STXBP5: variants seen among roughly 807,000 people sequenced by gnomAD.
STXBP5 encodes syntaxin binding protein 5, also known as syntaxin-binding protein 5.
Under a neutral mutation model 152.4 loss-of-function variants are expected in STXBP5, and 50 were observed. The observed-to-expected ratio is 0.33, with a 90% confidence interval of 0.26 to 0.42. STXBP5 has a LOEUF of 0.42. Among genes scored for constraint, STXBP5 ranks in the 10% least tolerant of loss-of-function variants. STXBP5 has a pLI of 1.00. For missense variants in STXBP5, 1,167 were observed against 1,388.6 expected (o/e 0.84, Z 2.54); for synonymous variants, 492 against 494.7 (o/e 0.99, Z 0.07).
chr6:147,311,777 C>T (rs147818053), intron 11 of STXBP5, among the ~76,000 whole-genome samples: 1 of 152,230 alleles, frequency 6.6e-6, no homozygotes, highest in East Asian at 1.9e-4. Context: ...CAACCTGACA[C>T]TTAGATATCC....
At position 147,389,137 on chromosome 6, in the gene STXBP5, T is replaced by C. The variant is rs1206594742; in HGVS notation, c.*4382T>C. 1 of 151,700 alleles carries C rather than the reference T, an allele frequency of 6.6e-6. No individual in the cohort carries two copies. The highest frequency in any genetic ancestry group is 2.4e-5 in the African/African-American group (1 of 41,416). 9.4% of individuals were successfully genotyped at this position (151,700 alleles called of 1,614,324 possible). ...TTTGAAAATGAATGTGAAGATACTG[T>C]TTACAGCTTTTGTTAATTGCACTTT... On this transcript the variant is annotated 3_prime_UTR_variant, in exon 28 of 28. Transcript: ENST00000321680.
intron 16 of STXBP5, among the ~76,000 whole-genome samples, chr6:147,316,772 A>G (rs1337083061): frequency 1.8e-5 from 2 of 111,792 alleles, no homozygotes; most frequent in African/African-American, 7.3e-5. Flanking sequence ...AATTCTGTTT[A>G]AGTCTTTTAA....
At chr6:147,237,980 C>G (rs1778361859) in intron 3 of STXBP5, among the ~76,000 whole-genome samples, 1 of 152,180 alleles carries the variant, frequency 6.6e-6, no homozygotes, top group African/African-American at 2.4e-5. Flanking sequence ...TAAATCAGCT[C>G]TAGTCTAGAC....
chr6:147,322,793 A>T lies in STXBP5; in HGVS notation c.1803-2166A>T, dbSNP rs561450709. Among the ~76,000 whole-genome samples, 122 of 152,284 alleles carry T rather than the reference A, an allele frequency of 8.0e-4. 1 individual carries two copies. The highest frequency in any genetic ancestry group is 1.5e-3 in the Non-Finnish European group (102 of 68,012). On this transcript the variant is annotated intron_variant, in intron 16 of 27. Coordinates refer to ENST00000321680, the MANE Select transcript of STXBP5 (RefSeq NM_001127715.4). ...CACACTAAAATTGTTCACATTTTTTAAAAAAATGTGCCTTTCAAGTACACT... is the reference window on the plus strand; with the variant it reads ...CACACTAAAATTGTTCACATTTTTTTAAAAAATGTGCCTTTCAAGTACACT...
chr6:147,287,194 A>ATTTT lies in STXBP5; in HGVS notation c.839-3877_839-3874dup, dbSNP rs11370591. On this transcript the variant is annotated intron_variant, in intron 8 of 27. Transcript: ENST00000321680. ...TAGTTCAATAATAACTTAATTGTAC[A>ATTTT]TTTTTTTTTTTTTTTTTTTTTTTTT... Among the ~76,000 whole-genome samples the ATTTT allele has an allele frequency of 3.9e-4, 29 of 75,262 alleles. 1 individual carries two copies. Among genetic ancestry groups the ATTTT allele is most frequent in the East Asian group, 1.3e-3 (3 of 2,314 alleles). The allele number at this position is 75,262 out of a possible 152,430, so 49.4% of individuals were successfully genotyped here. A position where few individuals can be genotyped will look rare whatever the true frequency, so the allele number is the denominator to read the frequency against.
At chr6:147,228,808 A>G (rs936829545) in intron 2 of STXBP5, among the ~76,000 whole-genome samples, 4 of 152,046 alleles carry the variant, frequency 2.6e-5, no homozygotes, top group Non-Finnish European at 2.9e-5. Context: ...TTCCTGAGCA[A>G]TTTTCATCAA....
At chr6:147,255,501 T>TTG (rs372775305) in intron 4 of STXBP5, among the ~76,000 whole-genome samples, 2 of 151,040 alleles carry the variant, frequency 1.3e-5, no homozygotes, top group Non-Finnish European at 3.0e-5. Flanking sequence ...TTTGTTCCTT[T>TTG]TTGTTGTTGT....
chr6:147,348,339 C>G (rs1181136105), intron 21 of STXBP5, among the ~76,000 whole-genome samples: 2 of 151,768 alleles, frequency 1.3e-5, no homozygotes, highest in Non-Finnish European at 2.9e-5. Context: ...CTTTCCCTCC[C>G]TCCCTCCCTC....
At chr6:147,344,542 A>T (rs1784234131) in intron 21 of STXBP5, among the ~76,000 whole-genome samples, 1 of 152,180 alleles carries the variant, frequency 6.6e-6, no homozygotes, top group Non-Finnish European at 1.5e-5. Flanking sequence ...ATTTCTTCTG[A>T]TGCCTCTCTC....
At chr6:147,277,204 GA>G (rs1780484652) in intron 7 of STXBP5, among the ~76,000 whole-genome samples, 1 of 151,984 alleles carries the variant, frequency 6.6e-6, no homozygotes, top group Non-Finnish European at 1.5e-5. Context: ...AGTATAGAAA[GA>G]ACTCAAATAA....
rs1484503413 is a variant in STXBP5, at chr6:147,385,741, T to C, written c.*986T>C. On this transcript the variant is annotated 3_prime_UTR_variant, in exon 28 of 28. Coordinates refer to ENST00000321680, the MANE Select transcript of STXBP5 (RefSeq NM_001127715.4). The stretch of plus-strand genomic sequence containing the variant: ...TAATTAAAATTGCTTAAAAAAAAAC[T>C]TTCATTATTTCAGTAAAATGCTCAG... The C allele has an allele frequency of 6.6e-6, 1 of 152,106 alleles. No individual in the cohort carries two copies. The highest frequency in any genetic ancestry group is 1.5e-5 in the Non-Finnish European group (1 of 67,984). 9.4% of individuals were successfully genotyped at this position (152,106 alleles called of 1,614,324 possible). A position where few individuals can be genotyped will look rare whatever the true frequency, so the allele number is the denominator to read the frequency against.
At chr6:147,368,071 C>T (rs1353327149) in intron 25 of STXBP5, among the ~76,000 whole-genome samples, 1 of 152,068 alleles carries the variant, frequency 6.6e-6, no homozygotes, top group East Asian at 1.9e-4. Context: ...CAGTGATGAG[C>T]TCTATCAACA....
chr6:147,217,748 C>T (rs937097809), intron 2 of STXBP5, among the ~76,000 whole-genome samples: 1 of 152,106 alleles, frequency 6.6e-6, no homozygotes, highest in Admixed American at 6.5e-5. Context: ...TGTTTTGGTG[C>T]TTGTTTTATT....
chr6:147,330,078 T>C (rs2128389547), intron 18 of STXBP5, among the ~76,000 whole-genome samples: 1 of 152,314 alleles, frequency 6.6e-6, no homozygotes, highest in East Asian at 1.9e-4. Context: ...TGTATTACAA[T>C]ACAGTTGCAT....
chr6:147,217,611 C>T (rs1463999540), intron 2 of STXBP5, among the ~76,000 whole-genome samples: 1 of 152,186 alleles, frequency 6.6e-6, no homozygotes, highest in Non-Finnish European at 1.5e-5. Context: ...TTCAACCACT[C>T]TAATTTGTTC....
intron 4 of STXBP5, among the ~76,000 whole-genome samples, chr6:147,241,426 A>T (rs1396740629): frequency 6.6e-6 from 1 of 152,174 alleles, no homozygotes; most frequent in African/African-American, 2.4e-5. Flanking sequence ...CGAAAAACCA[A>T]TATGTGTCAC....
intron 10 of STXBP5, among the ~76,000 whole-genome samples, chr6:147,310,776 A>C (rs1782332820): frequency 6.6e-6 from 1 of 152,200 alleles, no homozygotes; most frequent in Non-Finnish European, 1.5e-5. Context: ...TAAGACGTTA[A>C]ACTGACTGAA....
At chr6:147,292,730 A>C (rs1468460888) in intron 9 of STXBP5, 1 of 152,276 alleles carries the variant, frequency 6.6e-6, no homozygotes, top group Non-Finnish European at 1.5e-5. Flanking sequence ...ATTCTTATCT[A>C]GTTATTTTAA....
chr6:147,214,608 T>A (rs1777064935), intron 2 of STXBP5, among the ~76,000 whole-genome samples: 1 of 152,264 alleles, frequency 6.6e-6, no homozygotes, highest in Admixed American at 6.5e-5. Flanking sequence ...ACTTCCATCC[T>A]ATTTAGCCAT....
Sources: allele counts gnomAD v4.1 joint callset (sites outside exome capture counted in the v4.1 genomes callset), GRCh38; gene constraint gnomAD v4.1.1; transcripts MANE v1.5; gene names NCBI Gene and HGNC (gene_info 2026-07-23, HGNC 2026-07-21).